The following MRPS27 variants were observed in gnomAD, a reference collection of about 807,000 sequenced individuals.
MRPS27 encodes the protein small ribosomal subunit protein mS27.
A neutral mutation model predicts 48.9 loss-of-function variants in MRPS27; 43 were observed. The observed-to-expected ratio is 0.88, with a 90% CI of 0.69 to 1.13. The LOEUF is 1.13. Among genes scored for constraint, MRPS27 ranks in the 50% most tolerant of loss-of-function variants. The probability of loss-of-function intolerance (pLI) is 0.00; values close to 1 mark genes in which losing one functional copy is unlikely to be tolerated. For missense variants in MRPS27, 467 were observed against 476.3 expected, an observed-to-expected ratio of 0.98 and a Z score of 0.18; for synonymous variants, 188 against 171.9, an observed-to-expected ratio of 1.09 and a Z score of -0.73.
intron 4 of MRPS27, among the ~76,000 whole-genome samples, chr5:72,270,869 A>G (rs1580086319): frequency 6.6e-6 from 1 of 152,206 alleles, no homozygotes; most frequent in Non-Finnish European, 1.5e-5. Flanking sequence ...CATTATATTA[A>G]GAAAGTGAAA....
At chr5:72,244,743 T>C (rs924892401) in intron 4 of MRPS27, among the ~76,000 whole-genome samples, 3 of 152,014 alleles carry the variant, frequency 2.0e-5, no homozygotes. Context: ...GATCTCAAAC[T>C]CCTGGCCTCA....
chr5:72,289,630 C>G (rs1191034552), intron 4 of MRPS27, among the ~76,000 whole-genome samples: 1 of 151,870 alleles, frequency 6.6e-6, no homozygotes, highest in Non-Finnish European at 1.5e-5. Context: ...GTTATGTTGC[C>G]CAGGCTGGTA....
chr5:72,272,694 C>T (rs1451556989), intron 4 of MRPS27, among the ~76,000 whole-genome samples: 1 of 152,186 alleles, frequency 6.6e-6, no homozygotes, highest in African/African-American at 2.4e-5. Context: ...CGAGTATAGG[C>T]TGTGTCCTGT....
chr5:72,225,119 C>T (rs533514974), intron 9 of MRPS27, among the ~76,000 whole-genome samples: 14 of 152,270 alleles, frequency 9.2e-5, no homozygotes, highest in Non-Finnish European at 1.9e-4. Flanking sequence ...TTTGTGTTTT[C>T]AATTACCAGT....
chr5:72,249,999 A>T (rs1748617056), intron 4 of MRPS27, among the ~76,000 whole-genome samples: 1 of 151,400 alleles, frequency 6.6e-6, no homozygotes, highest in Non-Finnish European at 1.5e-5. Context: ...CAAAAAACAA[A>T]AAAACAAAAA....
intron 4 of MRPS27, among the ~76,000 whole-genome samples, chr5:72,271,967 C>T (rs1749256426): frequency 6.6e-6 from 1 of 152,148 alleles, no homozygotes; most frequent in Non-Finnish European, 1.5e-5. Context: ...CCAAAGTGCA[C>T]AATCAAATAG....
At chr5:72,295,009 A>G (rs1749937839) in intron 4 of MRPS27, among the ~76,000 whole-genome samples, 1 of 152,074 alleles carries the variant, frequency 6.6e-6, no homozygotes, top group Non-Finnish European at 1.5e-5. Context: ...TCTGGTTTCA[A>G]GCATCTTAGA....
chr5:72,313,199 A>G (rs1294548846), intron 2 of MRPS27, among the ~76,000 whole-genome samples: 1 of 152,156 alleles, frequency 6.6e-6, no homozygotes, highest in Non-Finnish European at 1.5e-5. Context: ...GAAAAGGATG[A>G]GATCTTTGAA....
intron 10 of MRPS27, among the ~76,000 whole-genome samples, chr5:72,221,475 G>A (rs1747739736): frequency 6.6e-6 from 1 of 152,082 alleles, no homozygotes; most frequent in South Asian, 2.1e-4. Flanking sequence ...ACAGTAAATG[G>A]AACTCCATAT....
intron 4 of MRPS27, chr5:72,295,285 G>A (rs948692402): frequency 1.2e-5 from 4 of 346,742 alleles, no homozygotes; most frequent in Middle Eastern, 8.1e-4. Flanking sequence ...TTATAACATC[G>A]TATACAATAC....
intron 4 of MRPS27, among the ~76,000 whole-genome samples, chr5:72,268,874 G>T (rs1749165374): frequency 6.6e-6 from 1 of 152,132 alleles, no homozygotes; most frequent in Non-Finnish European, 1.5e-5. Context: ...CTTTAGAGAG[G>T]TTTATTTATT....
intron 2 of MRPS27, among the ~76,000 whole-genome samples, chr5:72,307,521 T>A (rs1004528508): frequency 2.0e-5 from 3 of 152,184 alleles, no homozygotes; most frequent in Admixed American, 6.5e-5. Flanking sequence ...ACTTACTGCC[T>A]GGGATCTCCT....
chr5:72,299,298 CATGAAAGAAAAAA>C (rs1223010208), intron 2 of MRPS27, among the ~76,000 whole-genome samples: 17 of 136,682 alleles, frequency 1.2e-4, no homozygotes, highest in African/African-American at 4.5e-4. Context: ...ATAATTAGCT[CATGAAAGAAAAAA>C]ATAAAAGAAA....
intron 4 of MRPS27, among the ~76,000 whole-genome samples, chr5:72,255,967 G>C (rs921717435): frequency 6.6e-6 from 1 of 152,210 alleles, no homozygotes; most frequent in Non-Finnish European, 1.5e-5. Context: ...CTGGAAGAAG[G>C]AGTGTTTGTC....
At chr5:72,280,509 C>G (rs915367876) in intron 4 of MRPS27, among the ~76,000 whole-genome samples, 3 of 152,146 alleles carry the variant, frequency 2.0e-5, no homozygotes, top group South Asian at 2.1e-4. Flanking sequence ...CAAGGCTGCA[C>G]AGCAGCCCAG....
Position 72,228,369 on chromosome 5 carries a change from C to T in MRPS27, c.592-1G>A. The T allele has an allele frequency of 6.2e-7, 1 of 1,604,744 alleles. No individual in the cohort carries two copies. The stretch of plus-strand genomic sequence containing the variant: ...CACCAAAGTTCCTCTCCTCTTCCCA[C>T]TGCAACAGAATATACTGGATCATGA... On this transcript the variant is annotated splice_acceptor_variant, in intron 7 of 10. Coordinates refer to ENST00000261413, the MANE Select transcript of MRPS27 (RefSeq NM_015084.3). LOFTEE classifies it high-confidence loss of function.
chr5:72,220,974 G>C lies in MRPS27; in HGVS notation c.1180C>G (p.Gln394Glu), dbSNP rs1236852866. ...TGCTTCGCTTGCTCCCTCTGTTGCT[G>C]TTCTCTCTGGATCAACTGTACAAGG... is the stretch of plus-strand genomic sequence containing the variant. ...LDLVQLIQRE[Q>E]QQREQAKQEY... is the part of the protein sequence containing the mutation. Residue 394 changes from glutamine (Q) to glutamate (E), a missense_variant, in exon 11 of 11, where the codon CAG becomes GAG. Transcript: ENST00000261413. The C allele has an allele frequency of 1.2e-6, 2 of 1,614,032 alleles. No individual in the cohort carries two copies. Among genetic ancestry groups the C allele is most frequent in the Non-Finnish European group, 1.7e-6 (2 of 1,180,024 alleles).
In MRPS27 at chr5:72,284,050, T is replaced by C. The variant is rs577615034; in HGVS notation, c.281+11481A>G. On this transcript the variant is annotated intron_variant, in intron 4 of 10. Transcript: ENST00000261413. ...AAATTTACCCTGTTATAAATCTTTC[T>C]GAAATACTTTTATTATGATATATAC... 1.2e-4 allele frequency among the ~76,000 whole-genome samples: 18 copies of C among 152,274 alleles called. No homozygotes were observed. In the East Asian group the frequency reaches 3.5e-3, roughly 29 times the overall value.
intron 4 of MRPS27, among the ~76,000 whole-genome samples, chr5:72,243,211 C>T (rs1395948137): frequency 1.3e-5 from 2 of 152,124 alleles, no homozygotes; most frequent in Admixed American, 1.3e-4. Context: ...AGGATCTTAC[C>T]AATGAAGGAA....
Sources: allele counts gnomAD v4.1 joint callset (sites outside exome capture counted in the v4.1 genomes callset), GRCh38; gene constraint gnomAD v4.1.1; transcripts MANE v1.5; gene names NCBI Gene and HGNC (gene_info 2026-07-23, HGNC 2026-07-21).